RPS19: variants seen among roughly 807,000 people sequenced by gnomAD.
The protein encoded by RPS19 is ribosomal protein S19.
Under a neutral mutation model 20.3 loss-of-function variants are expected in RPS19, and 1 was observed. The observed-to-expected ratio is 0.05, with a 90% CI of 0.02 to 0.23. RPS19 has a LOEUF of 0.23. Among genes scored for constraint, RPS19 ranks in the 10% least tolerant of loss-of-function variants. RPS19 has a pLI of 1.00. For synonymous variants in RPS19, 87 were observed against 74.8 expected (o/e 1.16, Z -0.84); for missense variants, 111 against 192.7 (o/e 0.58, Z 2.51).
chr19:41,864,462 C>CT (rs2074064608), intron 3 of RPS19: 1 of 152,350 alleles, frequency 6.6e-6, no homozygotes, highest in South Asian at 2.1e-4. Context: ...TCTTCCCTGC[C>CT]TTTGACTCAG....
intron 4 of RPS19, 62 bp downstream of exon 4, chr19:41,869,276 C>A: frequency 6.9e-7 from 1 of 1,451,012 alleles, no homozygotes; most frequent in Non-Finnish European, 9.6e-7. Flanking sequence ...ATCAATTCCC[C>A]AACGAATGGT....
At chr19:41,861,084 C>A (rs1471227969) in intron 2 of RPS19, 28 bp from the exon 3 acceptor site, 3 of 1,564,808 alleles carry the variant, frequency 1.9e-6, no homozygotes, top group Admixed American at 1.7e-5. Flanking sequence ...ATGACTGAAT[C>A]GTGCTTTTCC....
At position 41,872,232 on chromosome 19, in the gene RPS19, C is replaced by T. The variant is rs1419238979; in HGVS notation, c.*855C>T. On this transcript the variant is annotated 3_prime_UTR_variant, in exon 6 of 6. Transcript: ENST00000598742. ...AAATAGCACCCAGTGGGCAGCTGTC[C>T]GACCCCTGGAGGGGCAAGCCAGGAA... 3 of 152,256 alleles carry T rather than the reference C, an allele frequency of 2.0e-5. No homozygotes were observed. Among genetic ancestry groups the T allele is most frequent in the Non-Finnish European group, 4.4e-5 (3 of 68,054 alleles). The allele number at this position is 152,256 out of a possible 1,614,324, so 9.4% of individuals were successfully genotyped here.
In RPS19 at chr19:41,869,011, C is replaced by T. The variant is rs782791940; in HGVS notation, c.173-20C>T. ...GACCTTGATCAAGACCCTTAAATCT[C>T]CCTCTCACACTACCCCCAGCTTCCA... is the stretch of plus-strand genomic sequence containing the variant. On this transcript the variant is annotated intron_variant, in intron 3 of 5. Coordinates refer to ENST00000598742, the MANE Select transcript of RPS19 (RefSeq NM_001022.4). The T allele has an allele frequency of 1.8e-5, 29 of 1,612,736 alleles. No individual in the cohort carries two copies. The highest frequency in any genetic ancestry group is 2.4e-5 in the Non-Finnish European group (28 of 1,179,360).
chr19:41,866,412 G>T (rs985914230), intron 3 of RPS19, among the ~76,000 whole-genome samples: 2 of 152,236 alleles, frequency 1.3e-5, no homozygotes, highest in African/African-American at 4.8e-5. Context: ...ATTTGAGCTG[G>T]TCTGAAAGGG....
At chr19:41,864,885 G>A (rs1437658943) in intron 3 of RPS19, 1 of 152,288 alleles carries the variant, frequency 6.6e-6, no homozygotes, top group East Asian at 1.9e-4. Context: ...TGGTCTCCAG[G>A]GGGTGAGGAA....
intron 5 of RPS19, among the ~76,000 whole-genome samples, chr19:41,870,346 C>CTGCGATGTTTCCCCTTAGTCCTCA (rs1463866040): frequency 1.3e-5 from 2 of 152,174 alleles, no homozygotes; most frequent in Non-Finnish European, 2.9e-5. Context: ...CCAGGTCAGC[C>CTGCGATGTTTCCCCTTAGTCCTCA]TGCGATGTTT....
At chr19:41,869,554 T>G (rs1396447450) in intron 4 of RPS19, 145 bp from the exon 5 acceptor site, 2 of 817,312 alleles carry the variant, frequency 2.4e-6, no homozygotes, top group Non-Finnish European at 4.0e-6. Context: ...CCCCAGCTCG[T>G]TAGAATGCAC....
chr19:41,863,963 C>T (rs1383445328), intron 3 of RPS19: 2 of 151,922 alleles, frequency 1.3e-5, no homozygotes, highest in African/African-American at 4.8e-5. Context: ...CTACCTCAGC[C>T]TCCCAAGTAC....
At position 41,871,475 on chromosome 19, in the gene RPS19, G is replaced by T. The variant is rs1176922472; in HGVS notation, c.*98G>T. On this transcript the variant is annotated 3_prime_UTR_variant, in exon 6 of 6. Transcript: ENST00000598742. ...TCTGTCGCCCAGGCTGGAGTGCAGT[G>T]GCGCCATCTCAGCTCACTGCAATCT... The T allele has an allele frequency of 1.0e-5, 11 of 1,060,512 alleles. No individual in the cohort carries two copies. The highest frequency in any genetic ancestry group is 6.3e-5 in the African/African-American group (4 of 63,654). The allele number at this position is 1,060,512 out of a possible 1,614,324, so 65.7% of individuals were successfully genotyped here.
At position 41,871,773 on chromosome 19, in the gene RPS19, C is replaced by T; in HGVS notation, c.*396C>T. 4.0e-6 allele frequency: 1 copy of T among 249,034 alleles called. No homozygotes were observed. Among genetic ancestry groups the T allele is most frequent in the South Asian group, 4.7e-5 (1 of 21,146 alleles). The allele number at this position is 249,034 out of a possible 1,614,324, so 15.4% of individuals were successfully genotyped here. On this transcript the variant is annotated 3_prime_UTR_variant, in exon 6 of 6. Transcript: ENST00000598742. ...CCCTTGTGGCTCACTCCCCCACATCCTGTCTTTGCAATTGTCAGAAAGTGA... is the reference window on the plus strand; with the variant it reads ...CCCTTGTGGCTCACTCCCCCACATCTTGTCTTTGCAATTGTCAGAAAGTGA...
chr19:41,862,774 CCT>C (rs2074045553), intron 3 of RPS19, among the ~76,000 whole-genome samples: 1 of 152,074 alleles, frequency 6.6e-6, no homozygotes, highest in Admixed American at 6.6e-5. Context: ...TGCCTGGAAA[CCT>C]CAAGCAGGAT....
chr19:41,869,367 G>C (rs546889625), intron 4 of RPS19, among the ~76,000 whole-genome samples, 153 bp downstream of exon 4: 2 of 152,172 alleles, frequency 1.3e-5, no homozygotes, highest in Non-Finnish European at 2.9e-5. Flanking sequence ...CAAACAGCAC[G>C]GGGCCTCACC....
chr19:41,864,632 AGT>A (rs2074066384), intron 3 of RPS19: 1 of 152,184 alleles, frequency 6.6e-6, no homozygotes, highest in East Asian at 1.9e-4. Flanking sequence ...CTCACAGTAG[AGT>A]GGAGAGGGGT....
intron 5 of RPS19, 141 bp downstream of exon 5, chr19:41,869,894 C>T: frequency 1.2e-6 from 1 of 809,878 alleles, no homozygotes; most frequent in Non-Finnish European, 2.1e-6. Context: ...GAGGGCTGCC[C>T]AGAGACAGGA....
At chr19:41,864,181 T>G (rs551648762) in intron 3 of RPS19, 1 of 152,354 alleles carries the variant, frequency 6.6e-6, no homozygotes, top group African/African-American at 2.4e-5. Flanking sequence ...AAGGACCTGC[T>G]GAAGATGGAG....
At chr19:41,869,808 C>T in intron 5 of RPS19, 55 bp downstream of exon 5, 1 of 1,567,494 alleles carries the variant, frequency 6.4e-7, no homozygotes, top group South Asian at 1.1e-5. Context: ...CCAAGCATTT[C>T]CAAAGCCCAT....
chr19:41,868,930 C>T, intron 3 of RPS19, 101 bp from the exon 4 acceptor site: 1 of 1,244,662 alleles, frequency 8.0e-7, no homozygotes, highest in Non-Finnish European at 1.2e-6. Flanking sequence ...TTTCAGTTTC[C>T]CTTCTTATAA....
chr19:41,861,532 A>G, intron 3 of RPS19: 2 of 387,390 alleles, frequency 5.2e-6, no homozygotes, highest in Non-Finnish European at 9.8e-6. Flanking sequence ...GTTTGGATCC[A>G]TCTTTTACAT....
Sources: gnomAD v4.1 joint callset for allele counts (sites outside exome capture counted in the v4.1 genomes callset) on GRCh38, gnomAD v4.1.1 for gene constraint, MANE v1.5 for transcripts, NCBI Gene and HGNC (gene_info 2026-07-23, HGNC 2026-07-21) for gene names.